Variants in PLA2G15 observed in about 807,000 individuals in gnomAD.
The protein encoded by PLA2G15 is phospholipase A2 group XV.
In PLA2G15, 20 loss-of-function variants were observed where a neutral mutation model predicts 40.9. That is an observed-to-expected ratio of 0.49 (90% CI 0.34 to 0.71). The LOEUF (loss-of-function observed/expected upper bound fraction) is 0.71, where lower values mean the gene tolerates loss of function less well. PLA2G15 is among the 30% of genes least tolerant of loss of function. The pLI is 0.01. For missense variants in PLA2G15, 471 were observed against 541.9 expected (o/e 0.87, Z 1.30); for synonymous variants, 223 against 228.2 (o/e 0.98, Z 0.21).
chr16:68,256,614 A>G (rs1363456631), intron 5 of PLA2G15, among the ~76,000 whole-genome samples: 1 of 151,634 alleles, frequency 6.6e-6, no homozygotes, highest in Non-Finnish European at 1.5e-5. Flanking sequence ...CCCGGGTTCA[A>G]GCGATTCTGC....
chr16:68,253,392 T>C (rs1238986008), intron 2 of PLA2G15: 1 of 435,892 alleles, frequency 2.3e-6, no homozygotes, highest in Non-Finnish European at 4.6e-6. Flanking sequence ...GTTTGTTTTT[T>C]TGAGACAGAG....
In PLA2G15 at chr16:68,255,137, G is replaced by A; in HGVS notation, c.403+100G>A. The A allele has an allele frequency of 1.0e-6, 1 of 1,003,500 alleles. No individual in the cohort carries two copies. The allele number at this position is 1,003,500 out of a possible 1,614,324, so 62.2% of individuals were successfully genotyped here. A position where few individuals can be genotyped will look rare whatever the true frequency, so the allele number is the denominator to read the frequency against. ...CTCTGCTGGTTTGTAGGGACAGCCTGTGAGCTGTCTCTGATCAGCGTGGGC... is the reference window on the plus strand; with the variant it reads ...CTCTGCTGGTTTGTAGGGACAGCCTATGAGCTGTCTCTGATCAGCGTGGGC... On this transcript the variant is annotated intron_variant, in intron 3 of 5. Coordinates refer to ENST00000219345, the MANE Select transcript of PLA2G15 (RefSeq NM_012320.4). This position sits in a 1 kb window ranked among gnomAD's most constrained non-coding sequence, Gnocchi z 5.9.
intron 5 of PLA2G15, among the ~76,000 whole-genome samples, chr16:68,258,316 C>T (rs1312452523): frequency 6.6e-6 from 1 of 152,196 alleles, no homozygotes; most frequent in Non-Finnish European, 1.5e-5. Flanking sequence ...AACTGGTACA[C>T]AGTTCAGTGT....
chr16:68,258,511 C>G (rs755020257), intron 5 of PLA2G15, among the ~76,000 whole-genome samples: 27 of 152,100 alleles, frequency 1.8e-4, no homozygotes, highest in Non-Finnish European at 2.1e-4. Context: ...GCAAAAAAAA[C>G]AAAACATAGC....
At chr16:68,256,018 G>C in intron 5 of PLA2G15, 28 bp downstream of exon 5, 1 of 1,471,308 alleles carries the variant, frequency 6.8e-7, no homozygotes, top group Non-Finnish European at 9.3e-7. Flanking sequence ...CCAGCGTGGG[G>C]GGCTGTTGCC....
rs572998192 is a variant in PLA2G15, at chr16:68,254,943, G to A, written c.309G>A (p.Arg103=). Residue 103 remains arginine, a synonymous_variant, in exon 3 of 6, where the codon AGG becomes AGA. Transcript: ENST00000219345. ...NIRLVYNKTS[R]ATQFPDGVDV... Reference sequence around the variant, plus strand: ...GGCTGGTTTACAACAAAACATCCAGGGCCACCCAGTTTCCTGATGGTGTGG... The same window carrying A: ...GGCTGGTTTACAACAAAACATCCAGAGCCACCCAGTTTCCTGATGGTGTGG... The A allele has an allele frequency of 5.0e-6, 8 of 1,613,528 alleles. No individual in the cohort carries two copies. The highest frequency in any genetic ancestry group is 6.8e-6 in the Non-Finnish European group (8 of 1,179,618).
intron 2 of PLA2G15, 56 bp downstream of exon 2, chr16:68,249,502 C>T: frequency 5.3e-6 from 8 of 1,511,750 alleles, no homozygotes; most frequent in South Asian, 2.3e-5. Context: ...CCTGAGAGGC[C>T]TCCAGAGTCT....
At position 68,254,928 on chromosome 16, in the gene PLA2G15, C is replaced by T; in HGVS notation, c.294C>T (p.Tyr98=). ...TATCCTCTCACAACAGGCTGGTTTA[C>T]AACAAAACATCCAGGGCCACCCAGT... ...DCWIDNIRLV[Y]NKTSRATQFP... is the part of the protein sequence containing the mutation. Residue 98 remains tyrosine (Y), a synonymous_variant, in exon 3 of 6, where the codon TAC becomes TAT. Coordinates refer to ENST00000219345, the MANE Select transcript of PLA2G15 (RefSeq NM_012320.4). 6.2e-7 allele frequency: 1 copy of T among 1,611,790 alleles called. No individual in the cohort carries two copies. The highest frequency in any genetic ancestry group is 1.1e-5 in the South Asian group (1 of 90,994).
intron 2 of PLA2G15, chr16:68,253,486 C>T (rs1479374835): frequency 4.6e-6 from 2 of 431,864 alleles, no homozygotes; most frequent in African/African-American, 2.0e-5. Context: ...AGCACTTCTC[C>T]TGCCTCAGAC....
At chr16:68,249,549 CTCCT>C in intron 2 of PLA2G15, 103 bp downstream of exon 2, 1 of 1,097,766 alleles carries the variant, frequency 9.1e-7, no homozygotes, top group Non-Finnish European at 1.4e-6. Context: ...ACTGACCTCT[CTCCT>C]TCCCCAGGTC....
At chr16:68,254,279 T>G (rs2042381695) in intron 2 of PLA2G15, 1 of 152,080 alleles carries the variant, frequency 6.6e-6, no homozygotes, top group African/African-American at 2.4e-5. Context: ...GGTCCTCATT[T>G]GGATGTAATT....
In PLA2G15 at chr16:68,255,583, G is replaced by A. The variant is rs748737293; in HGVS notation, c.503-183G>A. The A allele has an allele frequency of 5.1e-5, 33 of 649,324 alleles. No individual in the cohort carries two copies. Among genetic ancestry groups the A allele is most frequent in the Non-Finnish European group, 7.6e-5 (28 of 370,614 alleles). 40.2% of individuals were successfully genotyped at this position (649,324 alleles called of 1,614,324 possible). On this transcript the variant is annotated intron_variant, in intron 4 of 5. Transcript: ENST00000219345. The surrounding 1 kb of genome is among the most constrained non-coding windows in gnomAD (Gnocchi z 5.9). ...TTCCCACCCTGGGACCTCTGGGCCT[G>A]TGAGCCCTGGGGAGAAATATAAGGC...
chr16:68,258,551 A>G (rs1467818064), intron 5 of PLA2G15, among the ~76,000 whole-genome samples: 2 of 152,230 alleles, frequency 1.3e-5, no homozygotes, highest in Non-Finnish European at 2.9e-5. Context: ...ATGTAGCAAA[A>G]ATAAAGAGAA....
At position 68,255,182 on chromosome 16, in the gene PLA2G15, T is replaced by G. The variant is rs997482512; in HGVS notation, c.404-100T>G. The G allele has an allele frequency of 1.9e-6, 2 of 1,039,084 alleles. No homozygotes were observed. Among genetic ancestry groups the G allele is most frequent in the Non-Finnish European group, 3.0e-6 (2 of 666,952 alleles). The allele number at this position is 1,039,084 out of a possible 1,614,324, so 64.4% of individuals were successfully genotyped here. A position where few individuals can be genotyped will look rare whatever the true frequency, so the allele number is the denominator to read the frequency against. ...GTGGGCACAGAGCCCTGTAGCATTC[T>G]TCCAAGGACCTGCTAGCTGTCACAG... On this transcript the variant is annotated intron_variant, in intron 3 of 5. Transcript: ENST00000219345. The surrounding 1 kb of genome is among the most constrained non-coding windows in gnomAD (Gnocchi z 5.9).
chr16:68,252,138 G>A (rs1010196877), intron 2 of PLA2G15, among the ~76,000 whole-genome samples: 1 of 152,214 alleles, frequency 6.6e-6, no homozygotes, highest in East Asian at 1.9e-4. Context: ...GCGCAGAACT[G>A]CTTTGGCTTT....
chr16:68,249,165 G>T, intron 1 of PLA2G15, 125 bp from the exon 2 acceptor site: 1 of 718,832 alleles, frequency 1.4e-6, no homozygotes. Context: ...AATTTGAGAT[G>T]TGGAACTGCA....
chr16:68,255,112 C>T lies in PLA2G15; in HGVS notation c.403+75C>T. On this transcript the variant is annotated intron_variant, in intron 3 of 5. Coordinates refer to ENST00000219345, the MANE Select transcript of PLA2G15 (RefSeq NM_012320.4). The surrounding 1 kb of genome is among the most constrained non-coding windows in gnomAD (Gnocchi z 5.9). ...CGGACTGGAGCTGGAGCTGGAGGAA[C>T]TCTGCTGGTTTGTAGGGACAGCCTG... 8.9e-7 allele frequency: 1 copy of T among 1,128,686 alleles called. No individual in the cohort carries two copies. The highest frequency in any genetic ancestry group is 1.3e-6 in the Non-Finnish European group (1 of 741,150). 69.9% of individuals were successfully genotyped at this position (1,128,686 alleles called of 1,614,324 possible).
intron 2 of PLA2G15, among the ~76,000 whole-genome samples, chr16:68,251,043 T>C (rs2151202703): frequency 6.6e-6 from 1 of 152,316 alleles, no homozygotes; most frequent in East Asian, 1.9e-4. Flanking sequence ...ACATTTTATA[T>C]ACTTTCTTTC....
intron 1 of PLA2G15, among the ~76,000 whole-genome samples, chr16:68,246,269 C>G (rs906483787): frequency 2.0e-5 from 3 of 152,186 alleles, no homozygotes; most frequent in Non-Finnish European, 4.4e-5. Context: ...ACAACCCTGG[C>G]AACTCTACAA....
Sources: gnomAD v4.1 joint callset for allele counts (sites outside exome capture counted in the v4.1 genomes callset) on GRCh38, gnomAD v4.1.1 for gene constraint, Gnocchi (gnomAD v3.1) non-coding constraint, MANE v1.5 for transcripts, NCBI Gene and HGNC (gene_info 2026-07-23, HGNC 2026-07-21) for gene names.